The following PPARGC1A variants were observed in gnomAD, a reference collection of about 807,000 sequenced individuals.
PPARGC1A encodes peroxisome proliferator-activated receptor gamma coactivator 1-alpha.
PPARGC1A carries 25 observed loss-of-function variants against 88.7 expected under a neutral mutation model. That is an observed-to-expected ratio of 0.28 (90% CI 0.21 to 0.39). The LOEUF (loss-of-function observed/expected upper bound fraction) is 0.39, where lower values mean the gene tolerates loss of function less well. Among genes scored for constraint, PPARGC1A ranks in the 10% least tolerant of loss-of-function variants. PPARGC1A has a pLI of 1.00. For missense variants in PPARGC1A, 880 were observed against 968.7 expected (o/e 0.91, Z 1.22); for synonymous variants, 363 against 355.6 (o/e 1.02, Z -0.24).
At chr4:24,256,381 A>T in the PPARGC1A span, among the ~76,000 whole-genome samples, 5 of 152,224 alleles carry the variant, frequency 3.3e-5, no homozygotes, top group Admixed American at 3.3e-4. Context: ...AGTTAATTTC[A>T]TGCCTCGCAT....
the PPARGC1A span, among the ~76,000 whole-genome samples, chr4:24,139,930 C>G: frequency 2.0e-5 from 3 of 152,302 alleles, no homozygotes; most frequent in African/African-American, 7.2e-5. Flanking sequence ...AGAAGTTCGT[C>G]TGAAAACCCA....
At chr4:24,123,017 G>A in the PPARGC1A span, among the ~76,000 whole-genome samples, 3 of 152,194 alleles carry the variant, frequency 2.0e-5, no homozygotes, top group Admixed American at 6.5e-5. Context: ...TGTTGAGTGT[G>A]TGTGTGTGTG....
the PPARGC1A span, among the ~76,000 whole-genome samples, chr4:24,105,606 T>G: frequency 6.6e-6 from 1 of 152,166 alleles, no homozygotes. Context: ...CATAAGCTCC[T>G]CCATGATGCC....
chr4:23,829,422 T>G (rs760390562), intron 4 of PPARGC1A, 41 bp downstream of exon 4: 3 of 1,603,640 alleles, frequency 1.9e-6, no homozygotes, highest in East Asian at 2.2e-5. Flanking sequence ...GCCAAAATCC[T>G]TTGGTACATC....
At chr4:24,033,572 C>A in the PPARGC1A span, among the ~76,000 whole-genome samples, 3 of 152,148 alleles carry the variant, frequency 2.0e-5, no homozygotes, top group South Asian at 6.2e-4. Context: ...TTTGCTATTC[C>A]ATTTAGAATT....
At chr4:24,216,506 G>A in the PPARGC1A span, among the ~76,000 whole-genome samples, 6 of 152,034 alleles carry the variant, frequency 3.9e-5, no homozygotes, top group Non-Finnish European at 7.4e-5. Context: ...ACTCAAAATC[G>A]GCTCTTCTTC....
chr4:24,166,628 G>T, the PPARGC1A span, among the ~76,000 whole-genome samples: 1 of 152,166 alleles, frequency 6.6e-6, no homozygotes, highest in Non-Finnish European at 1.5e-5. Flanking sequence ...AGATAAGGGA[G>T]TAAGCAATAA....
At chr4:23,818,893 G>C (rs2932973) in intron 7 of PPARGC1A, among the ~76,000 whole-genome samples, 107,965 of 132,380 alleles carry the variant, frequency 0.82, 43,837 homozygotes, top group African/African-American at 0.86. Context: ...TTTGCAGAAT[G>C]TACTGCAAAA....
chr4:24,234,384 A>G, the PPARGC1A span, among the ~76,000 whole-genome samples: 2 of 152,218 alleles, frequency 1.3e-5, no homozygotes, highest in South Asian at 4.1e-4. Context: ...TTTTCCAGTT[A>G]TAGTTTCACT....
At chr4:24,249,011 C>A in the PPARGC1A span, among the ~76,000 whole-genome samples, 1 of 152,172 alleles carries the variant, frequency 6.6e-6, no homozygotes, top group Non-Finnish European at 1.5e-5. Context: ...TATTGACAGG[C>A]AATGAGCCAC....
At chr4:24,094,473 A>G in the PPARGC1A span, among the ~76,000 whole-genome samples, 4 of 152,252 alleles carry the variant, frequency 2.6e-5, no homozygotes, top group East Asian at 1.9e-4. Flanking sequence ...TTTCCTGTTC[A>G]TAAGATACTG....
the PPARGC1A span, among the ~76,000 whole-genome samples, chr4:23,994,304 C>T: frequency 6.6e-6 from 1 of 152,020 alleles, no homozygotes; most frequent in Non-Finnish European, 1.5e-5. Context: ...TCTTTTGATC[C>T]CTCCTGGAAG....
chr4:24,343,508 C>T, the PPARGC1A span, among the ~76,000 whole-genome samples: 1 of 152,116 alleles, frequency 6.6e-6, no homozygotes, highest in Admixed American at 6.6e-5. Flanking sequence ...TACTAAACAT[C>T]GAACCTGCCA....
the PPARGC1A span, among the ~76,000 whole-genome samples, chr4:24,111,736 A>G: frequency 7.2e-5 from 11 of 152,298 alleles, no homozygotes; most frequent in African/African-American, 2.4e-4. Flanking sequence ...AGGTGGGTTA[A>G]CTCTTTCAAG....
the PPARGC1A span, among the ~76,000 whole-genome samples, chr4:24,421,577 C>T: frequency 6.6e-6 from 1 of 152,152 alleles, no homozygotes; most frequent in Non-Finnish European, 1.5e-5. Flanking sequence ...TCCCAAAGTG[C>T]TGGGATTACA....
chr4:23,915,742 C>T, the PPARGC1A span, among the ~76,000 whole-genome samples: 1 of 152,064 alleles, frequency 6.6e-6, no homozygotes, highest in African/African-American at 2.4e-5. Context: ...TCATGAAGTC[C>T]CATAAATAAA....
chr4:24,280,136 T>A, the PPARGC1A span, among the ~76,000 whole-genome samples: 1 of 152,150 alleles, frequency 6.6e-6, no homozygotes, highest in African/African-American at 2.4e-5. Context: ...CAGAGATCAG[T>A]GGAAGCGTCC....
At chr4:24,342,442 T>C in the PPARGC1A span, among the ~76,000 whole-genome samples, 1 of 152,168 alleles carries the variant, frequency 6.6e-6, no homozygotes, top group Non-Finnish European at 1.5e-5. Flanking sequence ...ACCAAATCTA[T>C]TATCCTTAGA....
chr4:23,958,190 G>A, the PPARGC1A span, among the ~76,000 whole-genome samples: 11 of 152,040 alleles, frequency 7.2e-5, no homozygotes, highest in Admixed American at 4.6e-4. Flanking sequence ...AGCACTGGGC[G>A]ATTTTTACAA....
Sources: allele counts gnomAD v4.1 joint callset (sites outside exome capture counted in the v4.1 genomes callset), GRCh38; gene constraint gnomAD v4.1.1; transcripts MANE v1.5; gene names NCBI Gene and HGNC (gene_info 2026-07-23, HGNC 2026-07-21).